The following EPB41L3 variants were observed in gnomAD, a reference collection of about 807,000 sequenced individuals.
The protein encoded by EPB41L3 is erythrocyte membrane protein band 4.1 like 3.
EPB41L3 carries 57 observed loss-of-function variants against 127.1 expected under a neutral mutation model. The observed-to-expected ratio is 0.45, with a 90% confidence interval of 0.36 to 0.56. EPB41L3 has a LOEUF of 0.56. Among genes scored for constraint, EPB41L3 ranks in the 20% least tolerant of loss-of-function variants. The pLI is 0.00. For missense variants in EPB41L3, 1,273 were observed against 1,372.2 expected (o/e 0.93, Z 1.14); for synonymous variants, 572 against 549.5 (o/e 1.04, Z -0.57).
intron 1 of EPB41L3, among the ~76,000 whole-genome samples, chr18:5,519,413 T>A (rs1445268147): frequency 6.6e-6 from 1 of 152,208 alleles, no homozygotes; most frequent in Non-Finnish European, 1.5e-5. Flanking sequence ...CCTATTTTTC[T>A]CCTTGTCCAA....
intron 3 of EPB41L3, among the ~76,000 whole-genome samples, chr18:5,475,691 T>C (rs1285609886): frequency 1.3e-5 from 2 of 152,230 alleles, no homozygotes; most frequent in African/African-American, 2.4e-5. Flanking sequence ...ATCCCTTTTA[T>C]CAGAGTAAAG....
intron 1 of EPB41L3, among the ~76,000 whole-genome samples, chr18:5,617,468 G>A (rs1350615291): frequency 6.6e-6 from 1 of 152,090 alleles, no homozygotes; most frequent in Non-Finnish European, 1.5e-5. Context: ...ACAGGCGCCA[G>A]CCACCACACC....
chr18:5,403,950 C>T (rs185985734), intron 16 of EPB41L3, among the ~76,000 whole-genome samples: 11 of 152,236 alleles, frequency 7.2e-5, no homozygotes, highest in Admixed American at 2.6e-4. Flanking sequence ...ATCTTTTGTG[C>T]TTTTCACACA....
At chr18:5,464,713 T>G (rs1683002586) in intron 3 of EPB41L3, among the ~76,000 whole-genome samples, 2 of 152,144 alleles carry the variant, frequency 1.3e-5, no homozygotes. Context: ...ATAGAATAAC[T>G]CGTAATTTTA....
chr18:5,462,673 T>C lies in EPB41L3; in HGVS notation c.381+15568A>G, dbSNP rs78296014. 8.9e-3 allele frequency among the ~76,000 whole-genome samples: 1,354 copies of C among 152,274 alleles called. 11 individuals carry two copies. The highest frequency in any genetic ancestry group is 0.03 in the African/African-American group (1,250 of 41,542). On this transcript the variant is annotated intron_variant, in intron 3 of 22. Transcript: ENST00000341928. ...TGTCAAAGCTGTCCCCACTCCCTAC[T>C]TCAAAGGTTAGTATCCCCCAGAGCT...
In EPB41L3 at chr18:5,415,939, GAGA is replaced by G. The variant is rs747503378; in HGVS notation, c.1943_1945del (p.Phe648del). On this transcript the variant is annotated inframe_deletion, in exon 13 of 23. Transcript: ENST00000341928. ...GGAGAGAGTGAGAGCGTATGGCACT[GAGA>G]AGGAGGCAGACAGCAGAAAGAAAAA... is the stretch of plus-strand genomic sequence containing the variant. 6.2e-6 allele frequency: 10 copies of G among 1,614,022 alleles called. No individual in the cohort carries two copies. Among genetic ancestry groups the G allele is most frequent in the Non-Finnish European group, 8.5e-6 (10 of 1,180,054 alleles).
chr18:5,503,826 A>C (rs2091942187), intron 1 of EPB41L3, among the ~76,000 whole-genome samples: 1 of 152,176 alleles, frequency 6.6e-6, no homozygotes. Flanking sequence ...GTATATGCTG[A>C]CTACACTCTT....
chr18:5,418,253 C>T (rs1259113171), intron 12 of EPB41L3, among the ~76,000 whole-genome samples: 1 of 152,170 alleles, frequency 6.6e-6, no homozygotes, highest in African/African-American at 2.4e-5. Flanking sequence ...TGTCCTTTGT[C>T]TTTTCCCACA....
intron 3 of EPB41L3, among the ~76,000 whole-genome samples, chr18:5,576,604 A>G (rs1302678945): frequency 6.6e-6 from 1 of 152,194 alleles, no homozygotes; most frequent in African/African-American, 2.4e-5. Flanking sequence ...TTTCCCAAGG[A>G]TCAACAGAAG....
chr18:5,421,088 T>C (rs1233601669), intron 11 of EPB41L3, among the ~76,000 whole-genome samples: 4 of 152,112 alleles, frequency 2.6e-5, no homozygotes, highest in Admixed American at 6.5e-5. Flanking sequence ...GCAGAAAACA[T>C]ACTAGAGCTG....
chr18:5,498,228 A>C (rs1011753691), intron 1 of EPB41L3, among the ~76,000 whole-genome samples: 1 of 152,246 alleles, frequency 6.6e-6, no homozygotes, highest in African/African-American at 2.4e-5. Context: ...CCAGGAGTTA[A>C]CACAAATATT....
At chr18:5,468,753 A>C (rs2085480098) in intron 3 of EPB41L3, among the ~76,000 whole-genome samples, 1 of 152,152 alleles carries the variant, frequency 6.6e-6, no homozygotes, top group Non-Finnish European at 1.5e-5. Context: ...TCTCTACTAA[A>C]AATACAAAAA....
intron 8 of EPB41L3, among the ~76,000 whole-genome samples, chr18:5,430,756 T>A (rs2078899731): frequency 6.6e-6 from 1 of 150,736 alleles, no homozygotes. Flanking sequence ...AGAGATCGGG[T>A]TCTGCTACAT....
In EPB41L3 at chr18:5,424,271, G is replaced by A; in HGVS notation, c.1154C>T (p.Thr385Ile). Residue 385 changes from threonine to isoleucine, a missense_variant, in exon 10 of 23, where the codon ACA (threonine) becomes ATA (isoleucine). Coordinates refer to ENST00000341928, the MANE Select transcript of EPB41L3 (RefSeq NM_012307.5). ...AATAATCTCTTCCTACCTGAAAAAT[G>A]TATGATGCTCAACACATACTTTCCA... ...RLWKVCVEHHTFFRLLLPEAP... is the reference protein window; with the variant it reads ...RLWKVCVEHHIFFRLLLPEAP... The A allele has an allele frequency of 1.9e-6, 3 of 1,587,884 alleles. No homozygotes were observed. The highest frequency in any genetic ancestry group is 2.6e-6 in the Non-Finnish European group (3 of 1,168,018).
intron 1 of EPB41L3, among the ~76,000 whole-genome samples, chr18:5,535,133 CTTCT>C (rs2093532295): frequency 1.3e-5 from 2 of 152,092 alleles, no homozygotes; most frequent in African/African-American, 4.8e-5. Flanking sequence ...TTGTGCATTC[CTTCT>C]GAGAATCTGA....
intron 1 of EPB41L3, among the ~76,000 whole-genome samples, chr18:5,497,188 G>A (rs570599468): frequency 6.6e-6 from 1 of 152,314 alleles, no homozygotes; most frequent in Admixed American, 6.5e-5. Flanking sequence ...ACAAGATAAG[G>A]TAGATATGAG....
At chr18:5,591,611 T>G (rs921068303) in intron 3 of EPB41L3, among the ~76,000 whole-genome samples, 1 of 152,228 alleles carries the variant, frequency 6.6e-6, no homozygotes, top group African/African-American at 2.4e-5. Context: ...GGAAGATATT[T>G]TCTTGGAGGA....
At chr18:5,535,868 A>G (rs1408841064) in intron 1 of EPB41L3, among the ~76,000 whole-genome samples, 1 of 152,216 alleles carries the variant, frequency 6.6e-6, no homozygotes, top group East Asian at 1.9e-4. Context: ...GTTGTTGAGG[A>G]CGAAGGAAGG....
chr18:5,482,650 G>A (rs924681984), intron 2 of EPB41L3, among the ~76,000 whole-genome samples: 4 of 152,056 alleles, frequency 2.6e-5, no homozygotes, highest in Non-Finnish European at 5.9e-5. Flanking sequence ...AAATTGCCTG[G>A]TAACAGAATT....
Sources: gnomAD v4.1 joint callset for allele counts (sites outside exome capture counted in the v4.1 genomes callset) on GRCh38, gnomAD v4.1.1 for gene constraint, MANE v1.5 for transcripts, NCBI Gene and HGNC (gene_info 2026-07-23, HGNC 2026-07-21) for gene names.